The following PHF14 variants were observed in gnomAD, a reference collection of about 807,000 sequenced individuals.
The protein encoded by PHF14 is PHD finger protein 14.
In PHF14, 55 loss-of-function variants were observed where a neutral mutation model predicts 117.9. That is an observed-to-expected ratio of 0.47 (90% CI 0.38 to 0.58). The LOEUF is 0.58. PHF14 is among the 20% of genes least tolerant of loss of function. PHF14 has a pLI of 0.00. For synonymous variants in PHF14, 409 were observed against 368.6 expected (o/e 1.11, Z -1.26); for missense variants, 978 against 1,122.2 (o/e 0.87, Z 1.84).
chr7:11,049,336 G>A (rs563205099), intron 13 of PHF14, among the ~76,000 whole-genome samples: 3 of 152,046 alleles, frequency 2.0e-5, no homozygotes, highest in Admixed American at 6.6e-5. Context: ...TTAACTGTGC[G>A]TGGTGGCACA....
rs915772899 is a variant in PHF14, at chr7:11,039,424, C to A, written c.2076+569C>A. Reference sequence around the variant, plus strand: ...TTAAAAAAAACTTTATTCATGAACACCTTTAGTCTGTTAAAGTTTTTGGTG... The same window carrying A: ...TTAAAAAAAACTTTATTCATGAACAACTTTAGTCTGTTAAAGTTTTTGGTG... On this transcript the variant is annotated intron_variant, in intron 11 of 17. Transcript: ENST00000634607. Among the ~76,000 whole-genome samples, 116 of 151,930 alleles carry A rather than the reference C, an allele frequency of 7.6e-4. 2 individuals carry two copies. The highest frequency in any genetic ancestry group is 3.4e-4 in the African/African-American group (14 of 41,364).
intron 17 of PHF14, among the ~76,000 whole-genome samples, chr7:11,161,733 A>ATTTTATTTAAATAAAAATATTATAT (rs1789037789): frequency 2.2e-5 from 3 of 139,210 alleles, no homozygotes; most frequent in Non-Finnish European, 4.8e-5. Context: ...AAAATATTAT[A>ATTTTATTTAAATAAAAATATTATAT]TTTTATTTAA....
chr7:11,146,701 T>G (rs1168392852), intron 17 of PHF14, among the ~76,000 whole-genome samples: 1 of 152,160 alleles, frequency 6.6e-6, no homozygotes, highest in Non-Finnish European at 1.5e-5. Context: ...TTTCCTTTCA[T>G]ACATACATTC....
intron 4 of PHF14, among the ~76,000 whole-genome samples, chr7:10,998,876 C>A (rs1009505366): frequency 6.6e-6 from 1 of 152,138 alleles, no homozygotes; most frequent in African/African-American, 2.4e-5. Context: ...CTTCTTAAGT[C>A]ATTCTTAGGT....
rs1433008561 is a variant in PHF14, at chr7:10,982,718, A to G, written c.459A>G (p.Pro153=). 3 of 1,612,336 alleles carry G rather than the reference A, an allele frequency of 1.9e-6. No homozygotes were observed. In the East Asian group the frequency reaches 6.7e-5, roughly 36 times the overall value. The stretch of plus-strand genomic sequence containing the variant: ...CTGCTTCTGCTGCTGCCACCACACC[A>G]GCCACAAGTCCTCCTGCTGTTAACA... ...NVAASAAATT[P]ATSPPAVNTS... The change falls in exon 3 of 18, where the codon CCA becomes CCG. Residue 153 remains proline (P), a synonymous_variant. Transcript: ENST00000634607.
intron 17 of PHF14, among the ~76,000 whole-genome samples, chr7:11,157,337 C>T (rs1013723820): frequency 3.3e-5 from 5 of 151,098 alleles, no homozygotes; most frequent in Non-Finnish European, 7.4e-5. Context: ...CCATACTCTT[C>T]TAAAATGAGA....
chr7:11,147,601 T>A (rs1788584764), intron 17 of PHF14, among the ~76,000 whole-genome samples: 1 of 152,208 alleles, frequency 6.6e-6, no homozygotes, highest in South Asian at 2.1e-4. Flanking sequence ...AACCATTCTG[T>A]CTTTCTTGAA....
intron 16 of PHF14, among the ~76,000 whole-genome samples, chr7:11,087,744 G>GGT (rs1786474692): frequency 1.3e-5 from 2 of 151,920 alleles, no homozygotes; most frequent in South Asian, 2.1e-4. Flanking sequence ...CTGTGTGTGT[G>GGT]GTGTGTGTGT....
chr7:10,982,217 G>T (rs1782065900), intron 2 of PHF14, among the ~76,000 whole-genome samples, 155 bp from the exon 3 acceptor site: 1 of 152,090 alleles, frequency 6.6e-6, no homozygotes, highest in Non-Finnish European at 1.5e-5. Flanking sequence ...TATTTGATCA[G>T]GTTGGGAATG....
chr7:11,096,978 T>TTTTTC (rs1786896784), intron 16 of PHF14, among the ~76,000 whole-genome samples: 1 of 149,100 alleles, frequency 6.7e-6, no homozygotes, highest in African/African-American at 2.5e-5. Flanking sequence ...TAGAACTTTT[T>TTTTTC]TTTTTTTTTT....
At chr7:11,035,302 T>G (rs1784283140) in intron 7 of PHF14, among the ~76,000 whole-genome samples, 2 of 152,010 alleles carry the variant, frequency 1.3e-5, no homozygotes, top group Non-Finnish European at 2.9e-5. Flanking sequence ...ATCCACAGAT[T>G]TTGGTATCCT....
At chr7:11,068,095 A>T (rs1427499494) in intron 16 of PHF14, among the ~76,000 whole-genome samples, 1 of 152,178 alleles carries the variant, frequency 6.6e-6, no homozygotes, top group Non-Finnish European at 1.5e-5. Flanking sequence ...TCACGCCTGT[A>T]ATCCCAGCAC....
intron 3 of PHF14, among the ~76,000 whole-genome samples, chr7:10,989,884 A>G (rs1015361708): frequency 4.0e-5 from 6 of 151,820 alleles, no homozygotes; most frequent in East Asian, 3.9e-4. Flanking sequence ...TCCTGCTTCA[A>G]CCTCCCACTG....
chr7:11,005,842 C>T (rs1191149301), intron 4 of PHF14, among the ~76,000 whole-genome samples: 1 of 129,734 alleles, frequency 7.7e-6, no homozygotes, highest in Non-Finnish European at 1.5e-5. Flanking sequence ...CACCAGGCTA[C>T]AGTGCAAAGG....
At position 11,103,039 on chromosome 7, in the gene PHF14, C is replaced by G. The variant is rs1583467795; in HGVS notation, c.2655-8311C>G. The stretch of plus-strand genomic sequence containing the variant: ...TCTGCTATTCTGTTTCCTTCAACTT[C>G]ATACATAGATTCATATATGAAGTAC... On this transcript the variant is annotated intron_variant, in intron 16 of 17. Transcript: ENST00000634607. The G allele has an allele frequency of 5.1e-6, 5 of 987,044 alleles. No individual in the cohort carries two copies. In the African/African-American group the frequency reaches 7.0e-5, roughly 14 times the overall value. 61.1% of individuals were successfully genotyped at this position (987,044 alleles called of 1,614,324 possible).
At chr7:11,084,712 ATAT>A (rs1390475768) in intron 16 of PHF14, among the ~76,000 whole-genome samples, 5 of 152,250 alleles carry the variant, frequency 3.3e-5, no homozygotes, top group Admixed American at 1.3e-4. Context: ...TTAATGGATA[ATAT>A]TATCTTGTTA....
At chr7:11,004,099 T>C (rs1355729299) in intron 4 of PHF14, among the ~76,000 whole-genome samples, 3 of 151,632 alleles carry the variant, frequency 2.0e-5, no homozygotes, top group African/African-American at 7.3e-5. Context: ...TACAGAAAAA[T>C]CAGCCAGGTG....
At chr7:11,043,869 A>G (rs1455254035) in intron 13 of PHF14, among the ~76,000 whole-genome samples, 2 of 152,074 alleles carry the variant, frequency 1.3e-5, no homozygotes, top group East Asian at 1.9e-4. Flanking sequence ...CAGAGCCAGG[A>G]TGTTTTGCCA....
intron 6 of PHF14, 72 bp from the exon 7 acceptor site, chr7:11,028,609 C>G (rs771934901): frequency 7.3e-7 from 1 of 1,368,232 alleles, no homozygotes; most frequent in Non-Finnish European, 1.0e-6. Context: ...TTAGTGGACA[C>G]TTTGTATGAG....
Sources: gnomAD v4.1 joint callset for allele counts (sites outside exome capture counted in the v4.1 genomes callset) on GRCh38, gnomAD v4.1.1 for gene constraint, MANE v1.5 for transcripts, NCBI Gene and HGNC (gene_info 2026-07-23, HGNC 2026-07-21) for gene names.